Variants in CADPS2 observed in about 807,000 individuals in gnomAD.
The protein encoded by CADPS2 is calcium dependent secretion activator 2, also known as calcium-dependent secretion activator 2.
In CADPS2, 93 loss-of-function variants were observed where a neutral mutation model predicts 172.5. The observed-to-expected ratio is 0.54, with a 90% confidence interval of 0.46 to 0.64. The LOEUF (loss-of-function observed/expected upper bound fraction) is 0.64, where lower values mean the gene tolerates loss of function less well. CADPS2 is among the 30% of genes least tolerant of loss of function. CADPS2 has a pLI of 0.00. For synonymous variants in CADPS2, 546 were observed against 555.2 expected, an observed-to-expected ratio of 0.98 and a Z score of 0.23; for missense variants, 1,420 against 1,565.9, an observed-to-expected ratio of 0.91 and a Z score of 1.57.
In CADPS2 at chr7:122,698,228, G is replaced by C. The variant is rs200268756; in HGVS notation, c.454-34659C>G. The C allele has an allele frequency of 2.1e-4, 344 of 1,613,790 alleles. 1 individual carries two copies. Among genetic ancestry groups the C allele is most frequent in the Non-Finnish European group, 2.8e-4 (330 of 1,179,882 alleles). ...AGTTGGAGTTGTCCAAATGTGTTCT[G>C]AAGATCTGTTGTTAATCGCTGCCAT... On this transcript the variant is annotated intron_variant, in intron 2 of 29. Transcript: ENST00000449022.
chr7:122,514,830 C>T, intron 8 of CADPS2, among the ~76,000 whole-genome samples: 1 of 151,776 alleles, frequency 6.6e-6, no homozygotes, highest in East Asian at 1.9e-4. Context: ...AAATTAATAA[C>T]ATAGAAAGTA....
intron 1 of CADPS2, among the ~76,000 whole-genome samples, chr7:122,884,659 A>T (rs1823824476): frequency 1.3e-5 from 2 of 152,312 alleles, no homozygotes; most frequent in African/African-American, 4.8e-5. Flanking sequence ...TGTGTGTTTT[A>T]AAAAGTTGGG....
chr7:122,460,369 T>C (rs2054300240), intron 14 of CADPS2, among the ~76,000 whole-genome samples: 1 of 151,708 alleles, frequency 6.6e-6, no homozygotes, highest in Non-Finnish European at 1.5e-5. Flanking sequence ...GCTTTACAGC[T>C]GCATCCAAGG....
intron 15 of CADPS2, among the ~76,000 whole-genome samples, chr7:122,450,568 C>T (rs538989283): frequency 1.0e-4 from 12 of 114,568 alleles, no homozygotes; most frequent in African/African-American, 4.0e-4. Context: ...CTCATGCTGT[C>T]GTCCAGGCTG....
At chr7:122,505,880 T>G (rs1379774492) in intron 9 of CADPS2, among the ~76,000 whole-genome samples, 1 of 152,100 alleles carries the variant, frequency 6.6e-6, no homozygotes, top group Non-Finnish European at 1.5e-5. Context: ...CTTTGCAAGG[T>G]AATAATAAAT....
chr7:122,734,934 A>C (rs2092037380), intron 2 of CADPS2, among the ~76,000 whole-genome samples: 1 of 152,188 alleles, frequency 6.6e-6, no homozygotes, highest in African/African-American at 2.4e-5. Flanking sequence ...ACCCTCGGTC[A>C]CCAAGTCAAA....
chr7:122,380,357 T>C (rs1009552675), intron 24 of CADPS2, among the ~76,000 whole-genome samples: 9 of 152,130 alleles, frequency 5.9e-5, no homozygotes, highest in African/African-American at 2.2e-4. Flanking sequence ...CAAGGCTTCT[T>C]GGAACAGCTA....
intron 17 of CADPS2, among the ~76,000 whole-genome samples, chr7:122,421,541 C>T (rs936049510): frequency 9.9e-5 from 15 of 152,248 alleles, no homozygotes; most frequent in African/African-American, 2.6e-4. Context: ...CCTCAGATTC[C>T]GTGGCCCTGA....
intron 1 of CADPS2, among the ~76,000 whole-genome samples, chr7:122,752,836 G>A (rs903940350): frequency 2.6e-5 from 4 of 152,098 alleles, no homozygotes; most frequent in African/African-American, 2.4e-5. Flanking sequence ...AGAATAGGAC[G>A]CATCAAGTAA....
intron 22 of CADPS2, among the ~76,000 whole-genome samples, 168 bp downstream of exon 22, chr7:122,393,028 A>G (rs988856251): frequency 2.0e-5 from 3 of 152,036 alleles, no homozygotes; most frequent in Admixed American, 6.6e-5. Flanking sequence ...TTCATCACAG[A>G]TATGCTAAGC....
chr7:122,745,842 C>T (rs1029601897), intron 1 of CADPS2, among the ~76,000 whole-genome samples: 2 of 151,840 alleles, frequency 1.3e-5, no homozygotes, highest in African/African-American at 4.8e-5. Context: ...TTCAACACAC[C>T]ACAATGGATC....
At chr7:122,331,968 CAGA>C (rs1201545479) in intron 28 of CADPS2, 2 of 152,136 alleles carry the variant, frequency 1.3e-5, no homozygotes, top group Admixed American at 6.5e-5. Context: ...GTGCTTCTAG[CAGA>C]AGAAAACTAG....
At chr7:122,517,718 G>A (rs1160923203) in intron 8 of CADPS2, among the ~76,000 whole-genome samples, 1 of 151,844 alleles carries the variant, frequency 6.6e-6, no homozygotes, top group Non-Finnish European at 1.5e-5. Context: ...TGCTTAAATG[G>A]GTTTTCTAGT....
intron 1 of CADPS2, among the ~76,000 whole-genome samples, chr7:122,845,728 T>G (rs1226077530): frequency 2.6e-5 from 4 of 152,216 alleles, no homozygotes; most frequent in Non-Finnish European, 5.9e-5. Flanking sequence ...GTTTGGGCTT[T>G]TAACTATGAC....
At chr7:122,806,613 C>T (rs1311375621) in intron 1 of CADPS2, among the ~76,000 whole-genome samples, 1 of 152,172 alleles carries the variant, frequency 6.6e-6, no homozygotes, top group East Asian at 1.9e-4. Flanking sequence ...CACAGCTTAA[C>T]ATTAATGCAG....
chr7:122,882,151 A>T (rs533486140), intron 1 of CADPS2, among the ~76,000 whole-genome samples: 25 of 152,200 alleles, frequency 1.6e-4, no homozygotes, highest in Admixed American at 7.2e-4. Flanking sequence ...TCTTCTCCAG[A>T]TCAATTTTAC....
chr7:122,368,612 G>T (rs752639074), intron 25 of CADPS2, among the ~76,000 whole-genome samples: 4 of 152,114 alleles, frequency 2.6e-5, no homozygotes, highest in Middle Eastern at 3.2e-3. Context: ...GCTTTGATTG[G>T]TGTTATATTT....
intron 2 of CADPS2, among the ~76,000 whole-genome samples, chr7:122,708,702 CTTCTT>C (rs2088090211): frequency 6.6e-6 from 1 of 151,578 alleles, no homozygotes; most frequent in South Asian, 2.1e-4. Flanking sequence ...ATTAAACTCT[CTTCTT>C]CATTCAGAAT....
rs117618224 is a variant in CADPS2 at position 122,696,540 on chromosome 7, C to T, written c.454-32971G>A. ...GGAAGCAGTTATAGCTAACTACTGC[C>T]CTTCTACCTGTGTCTGAATTGCAGT... is the stretch of plus-strand genomic sequence containing the variant. On this transcript the variant is annotated intron_variant, in intron 2 of 29. Coordinates refer to ENST00000449022, the MANE Select transcript of CADPS2 (RefSeq NM_017954.11). Among the ~76,000 whole-genome samples, 204 of 151,884 alleles carry T rather than the reference C, an allele frequency of 1.3e-3. 1 individual carries two copies. The highest frequency in any genetic ancestry group is 2.4e-3 in the Non-Finnish European group (161 of 67,978).
Sources: allele counts gnomAD v4.1 joint callset (sites outside exome capture counted in the v4.1 genomes callset), GRCh38; gene constraint gnomAD v4.1.1; transcripts MANE v1.5; gene names NCBI Gene and HGNC (gene_info 2026-07-23, HGNC 2026-07-21).